KCNH7: variants seen among roughly 807,000 people sequenced by gnomAD.
KCNH7 encodes the protein voltage-gated inwardly rectifying potassium channel KCNH7.
Under a neutral mutation model 120.8 loss-of-function variants are expected in KCNH7, and 49 were observed. The ratio of observed to expected loss-of-function variants is 0.41; its 90% CI spans 0.32 to 0.51. The LOEUF (loss-of-function observed/expected upper bound fraction) is 0.51. Ranked by LOEUF, KCNH7 falls within the 20% of genes least tolerant of loss-of-function variation. KCNH7 has a pLI of 0.38. For synonymous variants in KCNH7, 547 were observed against 516.1 expected, an observed-to-expected ratio of 1.06 and a Z score of -0.81; for missense variants, 1,097 against 1,446.6, an observed-to-expected ratio of 0.76 and a Z score of 3.92.
At chr2:162,396,402 C>G (rs2105436987) in intron 11 of KCNH7, among the ~76,000 whole-genome samples, 1 of 151,898 alleles carries the variant, frequency 6.6e-6, no homozygotes, top group Middle Eastern at 3.4e-3. Flanking sequence ...AAGATAAACT[C>G]AAGTAATTTT....
chr2:162,574,082 T>C (rs1693583736), intron 2 of KCNH7, among the ~76,000 whole-genome samples: 1 of 152,076 alleles, frequency 6.6e-6, no homozygotes, highest in Non-Finnish European at 1.5e-5. Flanking sequence ...TATTTAATGA[T>C]CTAAAATCAC....
At chr2:162,775,413 A>G (rs906061272) in intron 2 of KCNH7, among the ~76,000 whole-genome samples, 1 of 152,102 alleles carries the variant, frequency 6.6e-6, no homozygotes, top group Non-Finnish European at 1.5e-5. Context: ...CTCACATGTT[A>G]CCCTTTGAGG....
intron 2 of KCNH7, among the ~76,000 whole-genome samples, chr2:162,637,327 G>A (rs1683995942): frequency 6.6e-6 from 1 of 151,916 alleles, no homozygotes; most frequent in Non-Finnish European, 1.5e-5. Flanking sequence ...TTCCATGTAG[G>A]TGTCTGCTTG....
At chr2:162,757,817 T>G (rs182468427) in intron 2 of KCNH7, among the ~76,000 whole-genome samples, 1 of 152,202 alleles carries the variant, frequency 6.6e-6, no homozygotes, top group East Asian at 1.9e-4. Flanking sequence ...ACAATTATGG[T>G]CAAGTTATCT....
At chr2:162,666,605 A>T (rs909976571) in intron 2 of KCNH7, among the ~76,000 whole-genome samples, 1 of 152,136 alleles carries the variant, frequency 6.6e-6, no homozygotes, top group Non-Finnish European at 1.5e-5. Flanking sequence ...ACCTGTAGCT[A>T]CAATAAGTGT....
intron 2 of KCNH7, among the ~76,000 whole-genome samples, chr2:162,637,383 C>G (rs985289570): frequency 6.6e-6 from 1 of 152,048 alleles, no homozygotes; most frequent in Non-Finnish European, 1.5e-5. Flanking sequence ...AGAAACATAC[C>G]CGATAGTTCC....
intron 2 of KCNH7, among the ~76,000 whole-genome samples, chr2:162,574,808 C>A (rs1212986021): frequency 6.6e-6 from 1 of 152,030 alleles, no homozygotes; most frequent in Non-Finnish European, 1.5e-5. Context: ...ACAAAGGTTG[C>A]CTTTGGAGAT....
chr2:162,830,827 C>T (rs1685453626), intron 2 of KCNH7, among the ~76,000 whole-genome samples: 1 of 152,122 alleles, frequency 6.6e-6, no homozygotes, highest in Non-Finnish European at 1.5e-5. Flanking sequence ...AGCAAAGAGC[C>T]AGCCTTCACC....
At chr2:162,744,937 CT>C (rs1391562122) in intron 2 of KCNH7, among the ~76,000 whole-genome samples, 4 of 152,172 alleles carry the variant, frequency 2.6e-5, no homozygotes, top group Admixed American at 2.6e-4. Flanking sequence ...GTCAGTCCTG[CT>C]GATACTCAGA....
At chr2:162,398,689 G>T (rs1686986846) in intron 10 of KCNH7, among the ~76,000 whole-genome samples, 1 of 151,996 alleles carries the variant, frequency 6.6e-6, no homozygotes, top group Non-Finnish European at 1.5e-5. Context: ...ATTACTACTT[G>T]ATAAAGCAAG....
chr2:162,565,745 T>C (rs1693229702), intron 2 of KCNH7, among the ~76,000 whole-genome samples: 1 of 152,070 alleles, frequency 6.6e-6, no homozygotes, highest in Non-Finnish European at 1.5e-5. Flanking sequence ...AAACTTTATT[T>C]ATAAAGTTTC....
At chr2:162,519,260 T>A (rs1174921409) in intron 3 of KCNH7, among the ~76,000 whole-genome samples, 5 of 151,806 alleles carry the variant, frequency 3.3e-5, no homozygotes, top group Admixed American at 6.6e-5. Context: ...CTAGAAAAAA[T>A]TGGATTATCC....
chr2:162,470,971 T>C (rs1008975975), intron 6 of KCNH7, among the ~76,000 whole-genome samples: 1 of 152,184 alleles, frequency 6.6e-6, no homozygotes, highest in Non-Finnish European at 1.5e-5. Context: ...CTCTGAAACA[T>C]GTGCTGTGTC....
intron 2 of KCNH7, among the ~76,000 whole-genome samples, chr2:162,540,930 T>C (rs1692281626): frequency 1.3e-5 from 2 of 152,042 alleles, no homozygotes; most frequent in Admixed American, 1.3e-4. Flanking sequence ...CAGGTGGTAA[T>C]GAGGGGTCTG....
chr2:162,423,012 G>T (rs555144839), intron 9 of KCNH7, among the ~76,000 whole-genome samples: 1 of 152,138 alleles, frequency 6.6e-6, no homozygotes, highest in African/African-American at 2.4e-5. Context: ...TATTTTTTGG[G>T]GGTGTTGGCA....
At position 162,377,380 on chromosome 2, in the gene KCNH7, G is replaced by T. The variant is rs556692224; in HGVS notation, c.3131+2473C>A. On this transcript the variant is annotated intron_variant, in intron 14 of 15. Coordinates refer to ENST00000332142, the MANE Select transcript of KCNH7 (RefSeq NM_033272.4). ...AAATAGAGGCACTCTAAAAGGAAAA[G>T]ATATTTATATGGGAATACGCAACAC... Among the ~76,000 whole-genome samples the T allele has an allele frequency of 1.1e-4, 16 of 152,116 alleles. No individual in the cohort carries two copies. In the South Asian group the frequency reaches 3.3e-3, roughly 32 times the overall value.
chr2:162,741,269 A>ACATATGTTATTAGTTATACATATTAATAG (rs1688121868), intron 2 of KCNH7, among the ~76,000 whole-genome samples: 1 of 149,636 alleles, frequency 6.7e-6, no homozygotes, highest in African/African-American at 2.4e-5. Context: ...CATATTAATA[A>ACATATGTTATTAGTTATACATATTAATAG]CATATGTTAT....
chr2:162,693,125 T>C (rs777181772), intron 2 of KCNH7, among the ~76,000 whole-genome samples: 1 of 152,192 alleles, frequency 6.6e-6, no homozygotes, highest in Non-Finnish European at 1.5e-5. Context: ...GAGAAAGGGA[T>C]TCTCTAAATA....
chr2:162,698,205 T>C (rs1317544224), intron 2 of KCNH7, among the ~76,000 whole-genome samples: 1 of 152,160 alleles, frequency 6.6e-6, no homozygotes, highest in South Asian at 2.1e-4. Flanking sequence ...TTTATACATA[T>C]GAATGAAATA....
Sources: allele counts gnomAD v4.1 joint callset (sites outside exome capture counted in the v4.1 genomes callset), GRCh38; gene constraint gnomAD v4.1.1; transcripts MANE v1.5; gene names NCBI Gene and HGNC (gene_info 2026-07-23, HGNC 2026-07-21).